CDH13: variants seen among roughly 807,000 people sequenced by gnomAD.
CDH13 encodes the protein cadherin 13, also known as cadherin-13.
In CDH13, 24 loss-of-function variants were observed where a neutral mutation model predicts 63.8. That is an observed-to-expected ratio of 0.38 (90% CI 0.27 to 0.53). The LOEUF is 0.53. CDH13 is among the 20% of genes least tolerant of loss of function. The pLI, the probability that CDH13 is intolerant of heterozygous loss-of-function variation, is 0.85. For missense variants in CDH13, 1,049 were observed against 903.1 expected (o/e 1.16, Z -2.07); for synonymous variants, 503 against 355.3 (o/e 1.42, Z -4.67).
chr16:83,524,452 T>C (rs886353025), intron 7 of CDH13, among the ~76,000 whole-genome samples: 25 of 134,712 alleles, frequency 1.9e-4, no homozygotes, highest in South Asian at 1.0e-3. Context: ...TTTCTTTTTT[T>C]TTTTTTTTTT....
intron 3 of CDH13, among the ~76,000 whole-genome samples, chr16:83,094,484 C>T (rs1438016680): frequency 6.6e-6 from 1 of 152,178 alleles, no homozygotes; most frequent in East Asian, 1.9e-4. Context: ...TGTCCTTACT[C>T]AGGACAAGGA....
chr16:83,044,338 A>T (rs1333550292), intron 3 of CDH13, among the ~76,000 whole-genome samples: 1 of 152,246 alleles, frequency 6.6e-6, no homozygotes, highest in East Asian at 1.9e-4. Context: ...ATTTTTCAGT[A>T]AATTTCCTGA....
At chr16:83,446,051 C>T (rs141763778) in intron 6 of CDH13, among the ~76,000 whole-genome samples, 119 of 152,164 alleles carry the variant, frequency 7.8e-4, no homozygotes, top group African/African-American at 2.7e-3. Flanking sequence ...GTAATCCCAG[C>T]ACTTTGGGAG....
intron 5 of CDH13, among the ~76,000 whole-genome samples, chr16:83,299,103 C>T (rs891584873): frequency 2.0e-4 from 30 of 152,104 alleles, no homozygotes; most frequent in African/African-American, 7.0e-4. Flanking sequence ...ATAATTTTAC[C>T]AAAATAGAAT....
rs186974645 is a variant in CDH13 at position 82,968,262 on chromosome 16, C to T, written c.158-63748C>T. ...CAGTTTTTATATTCAAGTATCCTAG[C>T]ACGTCAACTTTTATTGCTTCACTTA... On this transcript the variant is annotated intron_variant, in intron 2 of 13. Transcript: ENST00000567109. 2.6e-5 allele frequency among the ~76,000 whole-genome samples: 4 copies of T among 152,298 alleles called. No homozygotes were observed. The East Asian group carries it at 7.7e-4, about 29-fold the overall frequency.
chr16:82,983,124 G>A (rs1021876386), intron 2 of CDH13, among the ~76,000 whole-genome samples: 2 of 152,114 alleles, frequency 1.3e-5, no homozygotes, highest in Admixed American at 6.5e-5. Context: ...GGATACTAAG[G>A]CAAATCTGTT....
intron 6 of CDH13, among the ~76,000 whole-genome samples, chr16:83,439,153 G>A (rs2072410050): frequency 6.6e-6 from 1 of 152,176 alleles, no homozygotes; most frequent in African/African-American, 2.4e-5. Context: ...TTTAAAATCA[G>A]AGTAATAATA....
chr16:83,132,598 C>T lies in CDH13; in HGVS notation c.483+7097C>T, dbSNP rs188943236. Among the ~76,000 whole-genome samples the T allele has an allele frequency of 1.1e-4, 16 of 152,004 alleles. No homozygotes were observed. The East Asian group carries it at 3.1e-3, about 30-fold the overall frequency. On this transcript the variant is annotated intron_variant, in intron 4 of 13. Coordinates refer to ENST00000567109, the MANE Select transcript of CDH13 (RefSeq NM_001257.5). ...AACTGGGACTACAGGTGGATGCCAC[C>T]ACGCCCAGCTAATTTTTGTATTTTT...
rs1567731430 is a variant in CDH13, at chr16:83,000,220, C to CTTT, written c.158-31788_158-31787insTTT. Among the ~76,000 whole-genome samples the CTTT allele has an allele frequency of 3.0e-3, 103 of 33,952 alleles. 10 individuals carry two copies. The highest frequency in any genetic ancestry group is 8.3e-3 in the African/African-American group (80 of 9,662). The allele number at this position is 33,952 out of a possible 152,430, so 22.3% of individuals were successfully genotyped here. ...TCCCTAGGAATATCCACAGGTTTAG[C>CTTT]TTATTTTTTTTTTTTTTTTTTTTTT... On this transcript the variant is annotated intron_variant, in intron 2 of 13. Coordinates refer to ENST00000567109, the MANE Select transcript of CDH13 (RefSeq NM_001257.5).
At chr16:83,349,445 G>A (rs1354043472) in intron 6 of CDH13, among the ~76,000 whole-genome samples, 2 of 152,158 alleles carry the variant, frequency 1.3e-5, no homozygotes, top group South Asian at 2.1e-4. Context: ...CTGACCATGA[G>A]GAATGGCATG....
At chr16:83,675,969 T>C (rs1914919754) in intron 9 of CDH13, among the ~76,000 whole-genome samples, 1 of 152,200 alleles carries the variant, frequency 6.6e-6, no homozygotes, top group South Asian at 2.1e-4. Context: ...TGCTAGGTGC[T>C]GTGTATTCAC....
At chr16:83,526,076 C>G (rs146820110) in intron 7 of CDH13, among the ~76,000 whole-genome samples, 1 of 152,146 alleles carries the variant, frequency 6.6e-6, no homozygotes, top group Non-Finnish European at 1.5e-5. Flanking sequence ...ACCGTGCTGT[C>G]GTAATTTGTT....
intron 6 of CDH13, among the ~76,000 whole-genome samples, chr16:83,448,210 T>A (rs76206016): frequency 6.6e-6 from 1 of 151,844 alleles, no homozygotes; most frequent in Non-Finnish European, 1.5e-5. Flanking sequence ...CTATCTGGAG[T>A]GGAGCAGGAA....
At chr16:83,471,653 G>C (rs2073456612) in intron 6 of CDH13, among the ~76,000 whole-genome samples, 1 of 152,118 alleles carries the variant, frequency 6.6e-6, no homozygotes, top group African/African-American at 2.4e-5. Context: ...CATGTGTCCA[G>C]CCTCCCCAGT....
chr16:83,735,861 A>G (rs1390093634), intron 10 of CDH13: 1 of 152,164 alleles, frequency 6.6e-6, no homozygotes, highest in African/African-American at 2.4e-5. Context: ...TTGTAAATGG[A>G]ATACTGGGGT....
chr16:82,954,749 T>C (rs1356160340), intron 2 of CDH13: 1 of 119,922 alleles, frequency 8.3e-6, no homozygotes, highest in Non-Finnish European at 1.8e-5. Flanking sequence ...TTAAATCTCC[T>C]GGAAAAAAAA....
At chr16:83,212,916 C>G (rs1230824617) in intron 4 of CDH13, among the ~76,000 whole-genome samples, 2 of 152,192 alleles carry the variant, frequency 1.3e-5, no homozygotes, top group African/African-American at 4.8e-5. Flanking sequence ...CTAGAGAAAG[C>G]AAGGCCCCTA....
chr16:82,999,032 G>A (rs1048743781), intron 2 of CDH13, among the ~76,000 whole-genome samples: 8 of 151,878 alleles, frequency 5.3e-5, no homozygotes, highest in Non-Finnish European at 7.4e-5. Context: ...ACACCAAAAC[G>A]CGTATTCTTC....
intron 6 of CDH13, among the ~76,000 whole-genome samples, chr16:83,447,746 TTTATA>T (rs1451411480): frequency 6.7e-5 from 10 of 148,990 alleles, no homozygotes; most frequent in Middle Eastern, 7.1e-3. Flanking sequence ...TAAATTATAT[TTTATA>T]TTATATATAT....
Sources: gnomAD v4.1 joint callset for allele counts (sites outside exome capture counted in the v4.1 genomes callset) on GRCh38, gnomAD v4.1.1 for gene constraint, MANE v1.5 for transcripts, NCBI Gene and HGNC (gene_info 2026-07-23, HGNC 2026-07-21) for gene names.